The following ARL15 variants were observed in gnomAD, a reference collection of about 807,000 sequenced individuals.
ARL15 encodes the protein ARF like GTPase 15.
ARL15 carries 19 observed loss-of-function variants against 25.2 expected under a neutral mutation model. The observed-to-expected ratio is 0.75, with a 90% CI of 0.53 to 1.10. The LOEUF is 1.10. Among genes scored for constraint, ARL15 ranks in the 50% least tolerant of loss-of-function variants. The probability of loss-of-function intolerance (pLI) is 0.00; values close to 1 mark genes in which losing one functional copy is unlikely to be tolerated. For missense variants in ARL15, 220 were observed against 246.0 expected (o/e 0.89, Z 0.71); for synonymous variants, 94 against 86.8 (o/e 1.08, Z -0.46).
At chr5:54,118,992 T>C (rs193070474) in intron 3 of ARL15, among the ~76,000 whole-genome samples, 3 of 152,138 alleles carry the variant, frequency 2.0e-5, no homozygotes, top group Admixed American at 6.5e-5. Flanking sequence ...TTTTACATCA[T>C]TATCTTAGAT....
chr5:54,180,998 A>G (rs765995760), intron 1 of ARL15, among the ~76,000 whole-genome samples: 3 of 152,164 alleles, frequency 2.0e-5, no homozygotes, highest in Non-Finnish European at 2.9e-5. Flanking sequence ...ATCCCCGATC[A>G]GTGGCTTTCA....
intron 1 of ARL15, among the ~76,000 whole-genome samples, chr5:54,207,635 T>C (rs756114958): frequency 2.0e-5 from 3 of 152,092 alleles, no homozygotes; most frequent in Non-Finnish European, 2.9e-5. Flanking sequence ...TTTTGGAAAC[T>C]AGAAAGCAGA....
At chr5:54,077,351 CTT>C (rs1173201651) in intron 4 of ARL15, among the ~76,000 whole-genome samples, 1 of 152,158 alleles carries the variant, frequency 6.6e-6, no homozygotes, top group Admixed American at 6.5e-5. Flanking sequence ...AAATCACCCT[CTT>C]TAGACAGTTC....
intron 4 of ARL15, among the ~76,000 whole-genome samples, chr5:54,044,525 G>A (rs1418403292): frequency 2.0e-5 from 3 of 152,052 alleles, no homozygotes; most frequent in South Asian, 2.1e-4. Flanking sequence ...GATTACAGGC[G>A]TGACCCACTG....
intron 4 of ARL15, among the ~76,000 whole-genome samples, chr5:53,976,925 G>A (rs1482726930): frequency 6.6e-6 from 1 of 152,070 alleles, no homozygotes; most frequent in Non-Finnish European, 1.5e-5. Context: ...ATTTGTCTCT[G>A]GACTACAGTT....
chr5:53,961,530 T>C, intron 4 of ARL15, among the ~76,000 whole-genome samples: 1 of 149,880 alleles, frequency 6.7e-6, no homozygotes, highest in East Asian at 2.0e-4. Flanking sequence ...ATCATTCCCA[T>C]TGATTGATTT....
intron 3 of ARL15, among the ~76,000 whole-genome samples, chr5:54,122,949 A>C (rs1232471462): frequency 6.6e-6 from 1 of 152,148 alleles, no homozygotes; most frequent in South Asian, 2.1e-4. Context: ...TCTATACAGA[A>C]TCTGGCACAG....
intron 2 of ARL15, among the ~76,000 whole-genome samples, chr5:54,157,504 C>T (rs556183272): frequency 7.0e-4 from 107 of 152,216 alleles, no homozygotes; most frequent in African/African-American, 2.4e-3. Flanking sequence ...CTCCATCTCC[C>T]GGGTTCACGC....
At chr5:54,061,022 A>C (rs1005377624) in intron 4 of ARL15, among the ~76,000 whole-genome samples, 6 of 152,200 alleles carry the variant, frequency 3.9e-5, no homozygotes, top group African/African-American at 1.2e-4. Context: ...TGAGGAGCCA[A>C]ATGTTAATCC....
At chr5:53,926,833 G>A (rs1359064644) in intron 4 of ARL15, among the ~76,000 whole-genome samples, 1 of 151,788 alleles carries the variant, frequency 6.6e-6, no homozygotes, top group East Asian at 1.9e-4. Flanking sequence ...GTTGTTCAAT[G>A]AGCCAGGAAA....
chr5:54,077,047 T>C (rs945310624), intron 4 of ARL15, among the ~76,000 whole-genome samples: 11 of 152,218 alleles, frequency 7.2e-5, no homozygotes. Flanking sequence ...TGTTTAGTTG[T>C]GCTTCATCAT....
At chr5:54,292,027 A>G (rs3797228) in intron 1 of ARL15, among the ~76,000 whole-genome samples, 16,589 of 152,222 alleles carry the variant, frequency 0.11, 1,205 homozygotes, top group East Asian at 0.41. Flanking sequence ...CTATATGCTC[A>G]GGGAACTACT....
chr5:54,272,230 A>G (rs2112648187), intron 1 of ARL15, among the ~76,000 whole-genome samples: 1 of 149,912 alleles, frequency 6.7e-6, no homozygotes, highest in African/African-American at 2.4e-5. Context: ...TGAGATTACA[A>G]GCAGGAGCCA....
intron 4 of ARL15, among the ~76,000 whole-genome samples, chr5:54,072,856 C>T (rs1386305840): frequency 6.6e-6 from 1 of 152,102 alleles, no homozygotes; most frequent in Non-Finnish European, 1.5e-5. Context: ...TAATTGGGTA[C>T]ACCTTCTATT....
intron 4 of ARL15, among the ~76,000 whole-genome samples, chr5:53,982,939 A>G (rs1748172723): frequency 6.6e-6 from 1 of 152,190 alleles, no homozygotes; most frequent in Non-Finnish European, 1.5e-5. Context: ...ATGACCAGTG[A>G]TGATGACTTT....
intron 4 of ARL15, among the ~76,000 whole-genome samples, chr5:54,035,772 T>G (rs1020400736): frequency 6.6e-6 from 1 of 152,364 alleles, no homozygotes; most frequent in African/African-American, 2.4e-5. Flanking sequence ...AGAGTCATAT[T>G]TGAACTATGT....
chr5:54,154,575 T>G lies in ARL15; in HGVS notation c.253+5A>C. ...CAGACATAGAAATGATTTGAAATGT[T>G]ATACCTCCAAGTTCTTTTACATTCA... On this transcript the variant is annotated splice_donor_5th_base_variant and intron_variant, in intron 3 of 4. Transcript: ENST00000504924. The G allele has an allele frequency of 6.6e-7, 1 of 1,516,524 alleles. No homozygotes were observed. The highest frequency in any genetic ancestry group is 8.8e-7 in the Non-Finnish European group (1 of 1,130,242). The allele number at this position is 1,516,524 out of a possible 1,614,324, so 93.9% of individuals were successfully genotyped here.
chr5:54,167,007 G>T (rs531920435), intron 2 of ARL15, among the ~76,000 whole-genome samples: 2 of 152,216 alleles, frequency 1.3e-5, no homozygotes, highest in South Asian at 4.1e-4. Flanking sequence ...AATATTATCT[G>T]TCATGTGAGT....
In ARL15 at chr5:54,029,375, C is replaced by T. The variant is rs1434040050; in HGVS notation, c.462+83827G>A. Among the ~76,000 whole-genome samples, 7 of 134,128 alleles carry T rather than the reference C, an allele frequency of 5.2e-5. No individual in the cohort carries two copies. In the South Asian group the frequency reaches 9.7e-4, roughly 19 times the overall value. 88.0% of individuals were successfully genotyped at this position (134,128 alleles called of 152,430 possible). Reference sequence around the variant, plus strand: ...CCACCACCACCACCACCACCACCACCACTACACCTAGAGAAGCATGCTAAA... The same window carrying T: ...CCACCACCACCACCACCACCACCACTACTACACCTAGAGAAGCATGCTAAA... On this transcript the variant is annotated intron_variant, in intron 4 of 4. Coordinates refer to ENST00000504924, the MANE Select transcript of ARL15 (RefSeq NM_019087.3).
Sources: allele counts gnomAD v4.1 joint callset (sites outside exome capture counted in the v4.1 genomes callset), GRCh38; gene constraint gnomAD v4.1.1; transcripts MANE v1.5; gene names NCBI Gene and HGNC (gene_info 2026-07-23, HGNC 2026-07-21).